Variants in TKTL1 observed in about 807,000 individuals in gnomAD.
TKTL1 encodes transketolase like 1, also known as transketolase-like protein 1.
Under a neutral mutation model 39.3 loss-of-function variants are expected in TKTL1, and 1 was observed. That is an observed-to-expected ratio of 0.03 (90% CI 0.01 to 0.12). The LOEUF is 0.12. Among genes scored for constraint, TKTL1 ranks in the 10% least tolerant of loss-of-function variants. TKTL1 has a pLI of 1.00. For synonymous variants in TKTL1, 262 were observed against 193.8 expected (o/e 1.35, Z -2.92); for missense variants, 575 against 509.6 (o/e 1.13, Z -1.24).
At chrX:154,310,473 A>G (rs1019402687) in intron 3 of TKTL1, among the ~76,000 whole-genome samples, 6 of 112,650 alleles carry the variant, frequency 5.3e-5, no homozygotes, top group African/African-American at 1.9e-4. Flanking sequence ...ATGCTTTAAA[A>G]GGGAACTTAC....
intron 7 of TKTL1, chrX:154,320,213 G>GATGA (rs1394344646): frequency 8.8e-6 from 1 of 113,755 alleles, no homozygotes; most frequent in African/African-American, 3.2e-5. Flanking sequence ...TGGTGGCCTA[G>GATGA]ATGAAGTAGG....
chrX:154,297,216 A>G (rs1406339897), intron 1 of TKTL1, among the ~76,000 whole-genome samples: 1 of 110,967 alleles, frequency 9.0e-6, no homozygotes, highest in African/African-American at 3.3e-5. Context: ...TGGTTTTTGC[A>G]TCAGTATAAG....
chrX:154,310,798 C>T, intron 3 of TKTL1, 38 bp from the exon 4 acceptor site: 1 of 1,143,097 alleles, frequency 8.7e-7, no homozygotes, highest in Non-Finnish European at 1.2e-6. Flanking sequence ...CCCAGATGAT[C>T]CCCCACAGGG....
rs2148804767 is a variant in TKTL1 at position 154,309,383 on chromosome X, A to T, written c.291A>T (p.Gly97=). ...TGGATGTGGCAACAGGATGGCTCGGACAAGGACTGGGAGTTGCATGTGGAA... is the reference window on the plus strand; with the variant it reads ...TGGATGTGGCAACAGGATGGCTCGGTCAAGGACTGGGAGTTGCATGTGGAA... ...SFVDVATGWL[G]QGLGVACGMA... Residue 97 remains glycine (G), a synonymous_variant, in exon 3 of 13, where the codon GGA becomes GGT. Coordinates refer to ENST00000369915, the MANE Select transcript of TKTL1 (RefSeq NM_012253.4). 8.3e-7 allele frequency: 1 copy of T among 1,211,788 alleles called. No individual in the cohort carries two copies. The highest frequency in any genetic ancestry group is 1.1e-6 in the Non-Finnish European group (1 of 895,448).
At position 154,323,277 on chromosome X, in the gene TKTL1, C is replaced by T. The variant is rs782462620; in HGVS notation, c.1257C>T (p.Ile419=). 1.8e-4 allele frequency: 223 copies of T among 1,209,664 alleles called. No homozygotes were observed. The highest frequency in any genetic ancestry group is 2.3e-4 in the Non-Finnish European group (209 of 895,012). The stretch of plus-strand genomic sequence containing the variant: ...TCCGAACCATTCCCAAGTGCACGAT[C>T]TTCTACCCAACTGATGCCGTCTCCA... ...AMFRTIPKCT[I]FYPTDAVSTE... Residue 419 remains isoleucine, a synonymous_variant, in exon 9 of 13, where the codon ATC becomes ATT. Coordinates refer to ENST00000369915, the MANE Select transcript of TKTL1 (RefSeq NM_012253.4).
intron 1 of TKTL1, among the ~76,000 whole-genome samples, chrX:154,302,425 A>G (rs1174727043): frequency 9.0e-6 from 1 of 111,272 alleles, no homozygotes; most frequent in African/African-American, 3.3e-5. Context: ...TCCAAGATCA[A>G]GGTGCTAGCA....
chrX:154,316,959 A>AGGGTTT (rs1328559616), intron 7 of TKTL1, among the ~76,000 whole-genome samples: 6 of 110,171 alleles, frequency 5.4e-5, no homozygotes, highest in African/African-American at 2.0e-4. Flanking sequence ...TAGTGGAGAC[A>AGGGTTT]GGGTTTCACC....
At chrX:154,324,657 G>A (rs1017821955) in intron 9 of TKTL1, among the ~76,000 whole-genome samples, 2 of 111,387 alleles carry the variant, frequency 1.8e-5, no homozygotes, top group Admixed American at 9.5e-5. Context: ...AGGGCTCCAC[G>A]GCGGATGCAG....
intron 6 of TKTL1, among the ~76,000 whole-genome samples, chrX:154,314,215 C>T (rs906571533): frequency 7.2e-5 from 8 of 111,089 alleles, no homozygotes; most frequent in African/African-American, 2.6e-4. Context: ...CAAATTTTTC[C>T]AAATACGGAG....
At chrX:154,304,137 C>T (rs1899322715) in intron 1 of TKTL1, among the ~76,000 whole-genome samples, 2 of 110,529 alleles carry the variant, frequency 1.8e-5, no homozygotes, top group African/African-American at 3.3e-5. Flanking sequence ...ACTTCCTTCT[C>T]GGTCCCTTCT....
At chrX:154,322,801 T>C (rs1330998217) in intron 8 of TKTL1, among the ~76,000 whole-genome samples, 1 of 111,826 alleles carries the variant, frequency 8.9e-6, no homozygotes. Context: ...CACTTTGGTA[T>C]GCAAAACCCG....
At chrX:154,325,036 C>T (rs1413975227) in intron 9 of TKTL1, among the ~76,000 whole-genome samples, 1 of 111,860 alleles carries the variant, frequency 8.9e-6, no homozygotes, top group Non-Finnish European at 1.9e-5. Flanking sequence ...GCTTTCTAGT[C>T]AATGTGAGTC....
chrX:154,312,844 G>A, intron 6 of TKTL1, 71 bp downstream of exon 6: 4 of 991,960 alleles, frequency 4.0e-6, no homozygotes, highest in Non-Finnish European at 5.5e-6. Context: ...TTGTTCGTAT[G>A]TACACAGGAT....
At chrX:154,325,995 CAA>C (rs1456759556) in intron 10 of TKTL1, among the ~76,000 whole-genome samples, 2 of 111,509 alleles carry the variant, frequency 1.8e-5, no homozygotes, top group East Asian at 5.6e-4. Flanking sequence ...TCTCTAAAAA[CAA>C]GACAAAAAAT....
In TKTL1 at chrX:154,329,740, T is replaced by C. The variant is rs1557172855; in HGVS notation, c.*52T>C. 1 of 1,149,195 alleles carries C rather than the reference T, an allele frequency of 8.7e-7. No individual in the cohort carries two copies. Among genetic ancestry groups the C allele is most frequent in the Admixed American group, 2.3e-5 (1 of 43,364 alleles). 94.7% of individuals were successfully genotyped at this position (1,149,195 alleles called of 1,213,427 possible). A position where few individuals can be genotyped will look rare whatever the true frequency, so the allele number is the denominator to read the frequency against. ...CCTCTTTACCCTGTGTTTATGTTTG[T>C]TCCAAAACCATCATTTAAATCTCTA... On this transcript the variant is annotated 3_prime_UTR_variant, in exon 13 of 13. Transcript: ENST00000369915.
At chrX:154,307,418 C>G (rs192635685) in intron 2 of TKTL1, among the ~76,000 whole-genome samples, 1 of 111,955 alleles carries the variant, frequency 8.9e-6, no homozygotes, top group Non-Finnish European at 1.9e-5. Context: ...TGTGGTTTGC[C>G]TGGGAACGGG....
intron 9 of TKTL1, among the ~76,000 whole-genome samples, chrX:154,324,799 A>G (rs1365736019): frequency 8.9e-6 from 1 of 112,357 alleles, no homozygotes; most frequent in African/African-American, 3.2e-5. Context: ...ATATTCGTTT[A>G]TAATGCATCC....
At chrX:154,315,435 A>G (rs1263654768) in intron 7 of TKTL1, 98 bp downstream of exon 7, 3 of 956,912 alleles carry the variant, frequency 3.1e-6, no homozygotes, top group African/African-American at 3.9e-5. Flanking sequence ...TTATGAAAGC[A>G]AAAGGACTGG....
At chrX:154,317,518 A>G (rs1603353670) in intron 7 of TKTL1, among the ~76,000 whole-genome samples, 1 of 112,356 alleles carries the variant, frequency 8.9e-6, no homozygotes. Context: ...CCCAGGTCAT[A>G]CGGGGTCTTA....
Sources: allele counts gnomAD v4.1 joint callset (sites outside exome capture counted in the v4.1 genomes callset), GRCh38; gene constraint gnomAD v4.1.1; transcripts MANE v1.5; gene names NCBI Gene and HGNC (gene_info 2026-07-23, HGNC 2026-07-21).